The following HIVEP3 variants were observed in gnomAD, a reference collection of about 807,000 sequenced individuals.
HIVEP3 encodes the protein HIVEP zinc finger 3.
Under a neutral mutation model 152.8 loss-of-function variants are expected in HIVEP3, and 49 were observed. The ratio of observed to expected loss-of-function variants is 0.32; its 90% CI spans 0.26 to 0.41. The LOEUF (loss-of-function observed/expected upper bound fraction) is 0.41. HIVEP3 is among the 10% of genes least tolerant of loss of function. The pLI is 1.00. For missense variants in HIVEP3, 2,790 were observed against 3,103.3 expected (o/e 0.90, Z 2.40); for synonymous variants, 1,269 against 1,289.0 (o/e 0.98, Z 0.33).
chr1:41,680,541 C>T (rs1000444829), intron 2 of HIVEP3, among the ~76,000 whole-genome samples: 9 of 152,366 alleles, frequency 5.9e-5, no homozygotes, highest in African/African-American at 2.2e-4. Context: ...CTCAGTCCCA[C>T]TCAGGGCAGG....
intron 1 of HIVEP3, among the ~76,000 whole-genome samples, chr1:41,856,859 C>T (rs1047763865): frequency 5.3e-5 from 8 of 152,048 alleles, no homozygotes; most frequent in East Asian, 1.9e-4. Flanking sequence ...GAACACAGCC[C>T]GTGTGGGATG....
At chr1:41,835,722 G>A (rs921602110) in intron 1 of HIVEP3, among the ~76,000 whole-genome samples, 1 of 152,188 alleles carries the variant, frequency 6.6e-6, no homozygotes, top group South Asian at 2.1e-4. Flanking sequence ...TCTCCGCCCT[G>A]GGATGATTCT....
intron 1 of HIVEP3, among the ~76,000 whole-genome samples, chr1:41,752,710 T>C (rs1377919825): frequency 1.3e-5 from 2 of 152,212 alleles, no homozygotes; most frequent in Non-Finnish European, 2.9e-5. Flanking sequence ...CTCCAGGTGA[T>C]TCTGAGGCAC....
chr1:41,746,011 C>T (rs1322375000), intron 1 of HIVEP3, among the ~76,000 whole-genome samples: 1 of 152,196 alleles, frequency 6.6e-6, no homozygotes, highest in Non-Finnish European at 1.5e-5. Flanking sequence ...AAAGCACCAG[C>T]AGCCAGCCCC....
At chr1:41,590,592 TGA>T (rs1371207173) in intron 3 of HIVEP3, among the ~76,000 whole-genome samples, 1 of 152,224 alleles carries the variant, frequency 6.6e-6, no homozygotes, top group Non-Finnish European at 1.5e-5. Flanking sequence ...CACCTGCCCC[TGA>T]GAGAGACATA....
At chr1:42,013,143 AGGTGGCTGTCTTC>A (rs1645502938) in intron 1 of HIVEP3, among the ~76,000 whole-genome samples, 1 of 152,192 alleles carries the variant, frequency 6.6e-6, no homozygotes, top group African/African-American at 2.4e-5. Context: ...CTTGGCTTGT[AGGTGGCTGTCTTC>A]TCCCTATGTC....
At chr1:41,655,392 G>A (rs1462553009) in intron 2 of HIVEP3, among the ~76,000 whole-genome samples, 1 of 151,904 alleles carries the variant, frequency 6.6e-6, no homozygotes, top group Non-Finnish European at 1.5e-5. Flanking sequence ...AGACCAGCCT[G>A]GCCAACATGG....
intron 2 of HIVEP3, among the ~76,000 whole-genome samples, chr1:41,657,799 G>A (rs1645651931): frequency 2.0e-5 from 3 of 152,210 alleles, no homozygotes; most frequent in African/African-American, 4.8e-5. Context: ...GGACGCCATC[G>A]CTCATGCTCC....
intron 1 of HIVEP3, among the ~76,000 whole-genome samples, chr1:41,806,876 T>C (rs192246997): frequency 6.6e-6 from 1 of 152,240 alleles, no homozygotes; most frequent in Non-Finnish European, 1.5e-5. Context: ...ACTGAGAGTA[T>C]GATGTGCTCG....
chr1:41,888,609 T>C (rs976245330), intron 1 of HIVEP3, among the ~76,000 whole-genome samples: 2 of 151,828 alleles, frequency 1.3e-5, no homozygotes, highest in African/African-American at 4.8e-5. Context: ...GCCAAGGAAA[T>C]GATTCAGATC....
At chr1:41,512,738 A>G (rs1460567137) in intron 8 of HIVEP3, 78 bp downstream of exon 8, 5 of 1,189,016 alleles carry the variant, frequency 4.2e-6, no homozygotes, top group Non-Finnish European at 5.8e-6. Flanking sequence ...TCCAGGTGTG[A>G]TACCCAGGAG....
intron 3 of HIVEP3, among the ~76,000 whole-genome samples, chr1:41,620,155 CAG>C (rs1040045942): frequency 1.3e-5 from 2 of 152,184 alleles, no homozygotes; most frequent in African/African-American, 4.8e-5. Context: ...GCATGCCAAA[CAG>C]AGCCCGAACA....
At chr1:41,793,684 A>G (rs1047521427) in intron 1 of HIVEP3, among the ~76,000 whole-genome samples, 1 of 152,278 alleles carries the variant, frequency 6.6e-6, no homozygotes, top group Admixed American at 6.5e-5. Context: ...TTACCAAAGT[A>G]GAAAGATTTC....
chr1:41,630,561 G>T (rs112423933), intron 2 of HIVEP3, among the ~76,000 whole-genome samples: 2 of 152,120 alleles, frequency 1.3e-5, no homozygotes, highest in Non-Finnish European at 2.9e-5. Flanking sequence ...GGATTGGCCC[G>T]CAGCTTCCAG....
chr1:41,868,947 G>T (rs1276561746), intron 1 of HIVEP3, among the ~76,000 whole-genome samples: 1 of 152,204 alleles, frequency 6.6e-6, no homozygotes, highest in Non-Finnish European at 1.5e-5. Flanking sequence ...CTCCCCTTTT[G>T]TAAGTGAGGA....
chr1:41,742,299 C>T (rs1292028060), intron 1 of HIVEP3, among the ~76,000 whole-genome samples: 1 of 152,214 alleles, frequency 6.6e-6, no homozygotes, highest in Admixed American at 6.5e-5. Context: ...CTCATCCACT[C>T]AATGATTGAA....
At chr1:41,922,660 A>G (rs1368006152), upstream of HIVEP3, among the ~76,000 whole-genome samples, 1 of 152,216 alleles carries the variant, frequency 6.6e-6, no homozygotes, top group African/African-American at 2.4e-5. Flanking sequence ...TAAGAGTATA[A>G]GTACATTTAT....
chr1:41,943,000 C>T (rs569561574), intron 1 of HIVEP3, among the ~76,000 whole-genome samples: 41 of 152,156 alleles, frequency 2.7e-4, no homozygotes, highest in African/African-American at 9.1e-4. Context: ...CCCGGGTTCA[C>T]ACCATTCTCC....
At chr1:41,572,607 T>C (rs769652779) in intron 5 of HIVEP3, among the ~76,000 whole-genome samples, 1 of 152,174 alleles carries the variant, frequency 6.6e-6, no homozygotes, top group Non-Finnish European at 1.5e-5. Flanking sequence ...TTAACCCCCA[T>C]GGGACACTGC....
Sources: gnomAD v4.1 joint callset for allele counts (sites outside exome capture counted in the v4.1 genomes callset) on GRCh38, gnomAD v4.1.1 for gene constraint, MANE v1.5 for transcripts, NCBI Gene and HGNC (gene_info 2026-07-23, HGNC 2026-07-21) for gene names.